Variants in GHDC observed in about 807,000 individuals in gnomAD.
The protein encoded by GHDC is GH3 domain containing.
A neutral mutation model predicts 51.5 loss-of-function variants in GHDC; 39 were observed. That is an observed-to-expected ratio of 0.76 (90% confidence interval 0.59 to 0.99). The LOEUF is 0.99. GHDC is among the 50% of genes least tolerant of loss of function. The pLI is 0.00. For synonymous variants in GHDC, 282 were observed against 305.2 expected (o/e 0.92, Z 0.79); for missense variants, 610 against 672.8 (o/e 0.91, Z 1.03).
At chr17:42,193,060 G>A (rs2079982357) in intron 3 of GHDC, 33 bp from the exon 4 acceptor site, 2 of 1,613,946 alleles carry the variant, frequency 1.2e-6, no homozygotes, top group Non-Finnish European at 1.7e-6. Flanking sequence ...AACGCCTCAG[G>A]AAGCCAGTTT....
At chr17:42,193,072 CCAAGAGTTTCAGG>C in intron 3 of GHDC, 45 bp from the exon 4 acceptor site, 3 of 1,613,752 alleles carry the variant, frequency 1.9e-6, no homozygotes, top group Non-Finnish European at 2.5e-6. Flanking sequence ...AGCCAGTTTC[CCAAGAGTTTCAGG>C]CAAGACTGGT....
At chr17:42,193,208 C>T (rs1159265047) in intron 3 of GHDC, 109 bp downstream of exon 3, 1 of 1,523,494 alleles carries the variant, frequency 6.6e-7, no homozygotes, top group African/African-American at 1.4e-5. Context: ...TGGGTCAGGC[C>T]ACTCCGTTGG....
intron 5 of GHDC, 69 bp downstream of exon 5, chr17:42,192,172 A>G (rs1448282054): frequency 3.5e-5 from 52 of 1,494,262 alleles, no homozygotes; most frequent in Admixed American, 9.2e-5. Context: ...TGTAGGGCCC[A>G]ATGCATGGCT....
rs2079984698 is a variant in GHDC, at chr17:42,193,359, G to A, written c.223C>T (p.Gln75Ter). The A allele has an allele frequency of 6.2e-7, 1 of 1,607,092 alleles. No individual in the cohort carries two copies. Residue 75 changes from glutamine (Q) to a stop codon, truncating the protein, a stop_gained, in exon 3 of 10, where the codon CAG becomes TAG. Transcript: ENST00000587427. LOFTEE classifies it high-confidence loss of function. ...SQQQALRWCL[Q>*]GAQRPHCSLR... Reference sequence around the variant, plus strand: ...GAACAGTGGGGGCGCTGGGCTCCCTGTAGACACCACCTCAGGGCCTGCTGC... The same window carrying A: ...GAACAGTGGGGGCGCTGGGCTCCCTATAGACACCACCTCAGGGCCTGCTGC...
rs79309130 is a variant in GHDC at position 42,189,891 on chromosome 17, G to A, written c.1405C>T (p.Arg469Cys). ...LDHCLQEASP[R>C]YKSLRFWGSV... ...CCCCAGAACCGCAGGGACTTGTAGC[G>A]GGGAGAGGCTTCCTGAAGGCAGTGG... Residue 469 changes from arginine to cysteine, a missense_variant, in exon 10 of 10, where the codon CGC (arginine) becomes TGC (cysteine). By Grantham distance (180) the Arg-to-Cys change is radical (BLOSUM62 -3). Transcript: ENST00000587427. 80,092 of 1,548,676 alleles carry A rather than the reference G, an allele frequency of 0.052. 2,491 individuals are homozygous for A. The highest frequency in any genetic ancestry group is 0.093 in the Admixed American group (4,650 of 49,974).
chr17:42,191,163 G>A lies in GHDC; in HGVS notation c.937C>T (p.Leu313Phe), dbSNP rs150068745. 3.2e-6 allele frequency: 5 copies of A among 1,552,584 alleles called. No individual in the cohort carries two copies. The highest frequency in any genetic ancestry group is 1.4e-5 in the African/African-American group (1 of 71,892). ...ATAAAGGGGGCCCCAGGGGGCAGAA[G>A]GTAGAGCCCATGGGGCTGCTCTGGC... ...LQPEQPHGLY[L>F]LPPGAPFIEL... Residue 313 changes from leucine to phenylalanine, a missense_variant, in exon 6 of 10, where the codon CTT becomes TTT. Physicochemically the swap from Leu to Phe is conservative, Grantham distance 22. This residue lies in a region of GHDC where 412 missense variants were observed against 410.4 expected (regional missense o/e 1.00). Transcript: ENST00000587427.
In GHDC at chr17:42,192,426, T is replaced by A; in HGVS notation, c.704A>T (p.Glu235Val). The change falls in exon 5 of 10, where the codon GAA (glutamate) becomes GTA (valine). Residue 235 changes from glutamate (E) to valine (V), a missense_variant. By Grantham distance (121) the Glu-to-Val change is moderately radical. Transcript: ENST00000587427. ...AAGNPGAPLR[E>V]RAAELREALE... ...GGCCTCCCGGAGCTCAGCTGCCCGT[T>A]CACGGAGAGGCGCTCCAGGGTTCCC... The A allele has an allele frequency of 6.2e-7, 1 of 1,613,354 alleles. No homozygotes were observed. The highest frequency in any genetic ancestry group is 8.5e-7 in the Non-Finnish European group (1 of 1,180,002).
rs187721253 is a variant in GHDC, at chr17:42,193,924, T to C, written c.-97-74A>G. 2.0e-5 allele frequency: 6 copies of C among 302,514 alleles called. No homozygotes were observed. In the South Asian group the frequency reaches 3.1e-4, roughly 16 times the overall value. The allele number at this position is 302,514 out of a possible 1,614,324, so 18.7% of individuals were successfully genotyped here. On this transcript the variant is annotated intron_variant, in intron 1 of 9. Transcript: ENST00000587427. ...TGGGCCGGGTGAGGTGGCTATCATC[T>C]GTAATCCCAGCACTTTGGGAGGCTG...
Position 42,192,274 on chromosome 17 carries a change from C to CTAG in GHDC, c.853_855dup (p.Leu285dup). 6.4e-7 allele frequency: 1 copy of CTAG among 1,572,648 alleles called. No individual in the cohort carries two copies. The highest frequency in any genetic ancestry group is 8.6e-7 in the Non-Finnish European group (1 of 1,160,052). On this transcript the variant is annotated inframe_insertion, in exon 5 of 10. Transcript: ENST00000587427. ...GCAGCATAAGCAGGAGAGAAGAAGG[C>CTAG]TAGTCCTTGGCACCACAAGGCCCCG...
chr17:42,192,672 C>A lies in GHDC; in HGVS notation c.458G>T (p.Arg153Leu), dbSNP rs564400023. 2.5e-6 allele frequency: 4 copies of A among 1,598,204 alleles called. No individual in the cohort carries two copies. The East Asian group carries it at 9.0e-5, about 36-fold the overall frequency. Residue 153 changes from arginine to leucine, a missense_variant, in exon 5 of 10, where the codon CGT (arginine) becomes CTT (leucine). Arg to Leu is a moderately radical substitution (Grantham distance 102). Transcript: ENST00000587427. ...PEVLAQGRTA[R>L]VTLTSPWPRP... ...GGGCCAAGGGGATGTAAGCGTCACA[C>A]GGGCAGTGCGTCCCTGAGCCAGCAC... is the stretch of plus-strand genomic sequence containing the variant.
At chr17:42,190,010 A>T in intron 9 of GHDC, 89 bp from the exon 10 acceptor site, 2 of 1,364,570 alleles carry the variant, frequency 1.5e-6, no homozygotes, top group Non-Finnish European at 2.0e-6. Flanking sequence ...ACATGTGTTT[A>T]GAAGTTTTGT....
chr17:42,190,908 TG>T lies in GHDC; in HGVS notation c.1083-6del. On this transcript the variant is annotated splice_region_variant and splice_polypyrimidine_tract_variant and intron_variant, in intron 6 of 9. Transcript: ENST00000587427. The stretch of plus-strand genomic sequence containing the variant: ...ACCACATCACCCAGGCGGCACCTGA[TG>T]GGGTGCAAGTGGGAGTGAGGTCGGG... 6.2e-7 allele frequency: 1 copy of T among 1,606,206 alleles called. No homozygotes were observed. The highest frequency in any genetic ancestry group is 1.1e-5 in the South Asian group (1 of 90,488).
rs1401852032 is a variant in GHDC, at chr17:42,189,624, G to GAC, written c.*77_*78dup. 1.5e-6 allele frequency: 1 copy of GAC among 677,236 alleles called. No homozygotes were observed. Among genetic ancestry groups the GAC allele is most frequent in the Non-Finnish European group, 2.3e-6 (1 of 435,808 alleles). 42.0% of individuals were successfully genotyped at this position (677,236 alleles called of 1,614,324 possible). On this transcript the variant is annotated 3_prime_UTR_variant, in exon 10 of 10. Transcript: ENST00000587427. ...CACAGAGTCAGAGACCCTGGCCAAG[G>GAC]ACTCCCCATCCGGAGAGGTCCCAGA...
Position 42,192,347 on chromosome 17 carries a change from C to T in GHDC, c.783G>A (p.Val261=). 6.2e-7 allele frequency: 1 copy of T among 1,613,284 alleles called. No homozygotes were observed. Among genetic ancestry groups the T allele is most frequent in the Non-Finnish European group, 8.5e-7 (1 of 1,179,876 alleles). ...GGCCTCCTGCATCCAGAGTCACCAC[C>T]ACCTGCAGCTTTGGCCAGAGCCGAA... ...LALRLWPKLQ[V]VVTLDAGGQA... Residue 261 remains valine (V), a synonymous_variant, in exon 5 of 10, where the codon GTG becomes GTA. Transcript: ENST00000587427.
Position 42,193,467 on chromosome 17 carries a change from C to G in GHDC, c.115G>C (p.Val39Leu), listed in dbSNP as rs1286155315. ...GCCCAGACCAGGGCCCCCCATGCCA[C>G]TCGGTGCTGGAGGCCAGCAAGCCAG... ...LSWLAGLQHR[V>L]AWGALVWAAT... Residue 39 changes from valine to leucine, a missense_variant, in exon 3 of 10, where the codon GTG (valine) becomes CTG (leucine). Around this residue, in one of 2 missense-constraint regions of GHDC, gnomAD observed 198 missense variants for 262.3 expected, o/e 0.75. Transcript: ENST00000587427. 1.9e-6 allele frequency: 3 copies of G among 1,556,350 alleles called. No individual in the cohort carries two copies. In the African/African-American group the frequency reaches 4.1e-5, roughly 21 times the overall value.
chr17:42,191,228 C>T lies in GHDC; in HGVS notation c.890-18G>A. 1 of 1,486,530 alleles carries T rather than the reference C, an allele frequency of 6.7e-7. No homozygotes were observed. The highest frequency in any genetic ancestry group is 1.5e-5 in the African/African-American group (1 of 68,878). 92.1% of individuals were successfully genotyped at this position (1,486,530 alleles called of 1,614,324 possible). A position where few individuals can be genotyped will look rare whatever the true frequency, so the allele number is the denominator to read the frequency against. On this transcript the variant is annotated intron_variant, in intron 5 of 9. Coordinates refer to ENST00000587427, the MANE Select transcript of GHDC (RefSeq NM_032484.5). ...CAGCACCCCTGTGAAAGCAAAGCAGCCTCCTCAGCGTCTGCTGGTGCCATC... is the reference window on the plus strand; with the variant it reads ...CAGCACCCCTGTGAAAGCAAAGCAGTCTCCTCAGCGTCTGCTGGTGCCATC...
chr17:42,191,385 G>A (rs2079967876), intron 5 of GHDC, among the ~76,000 whole-genome samples, 175 bp from the exon 6 acceptor site: 1 of 152,188 alleles, frequency 6.6e-6, no homozygotes, highest in South Asian at 2.1e-4. Flanking sequence ...GGCCCTCACT[G>A]GAAAGAGGCA....
Position 42,192,449 on chromosome 17 carries a change from C to A in GHDC, c.681G>T (p.Gly227=). The change falls in exon 5 of 10, where the codon GGG becomes GGT. Residue 227 remains glycine (G), a synonymous_variant. Transcript: ENST00000587427. ...GEELAGAIAA[G]NPGAPLRERA... is the part of the protein sequence containing the mutation. ...GTTCACGGAGAGGCGCTCCAGGGTT[C>A]CCGGCAGCTATCGCCCCAGCTAGCT... 6.2e-7 allele frequency: 1 copy of A among 1,613,586 alleles called. No individual in the cohort carries two copies. Among genetic ancestry groups the A allele is most frequent in the Non-Finnish European group, 8.5e-7 (1 of 1,180,026 alleles).
intron 5 of GHDC, among the ~76,000 whole-genome samples, chr17:42,191,723 G>T (rs1238127255): frequency 6.9e-6 from 1 of 145,818 alleles, no homozygotes; most frequent in Non-Finnish European, 1.5e-5. Flanking sequence ...CTCTCCCAAA[G>T]TGCTGGGATT....
Sources: gnomAD v4.1 joint callset for allele counts (sites outside exome capture counted in the v4.1 genomes callset) on GRCh38, gnomAD v4.1.1 for gene constraint, gnomAD v4.1.1 regional missense constraint, MANE v1.5 for transcripts, NCBI Gene and HGNC (gene_info 2026-07-23, HGNC 2026-07-21) for gene names.